LRRC1: variants seen among roughly 807,000 people sequenced by gnomAD.
LRRC1 encodes leucine-rich repeat-containing protein 1.
LRRC1 carries 28 observed loss-of-function variants against 69.9 expected under a neutral mutation model. The ratio of observed to expected loss-of-function variants is 0.40; its 90% CI spans 0.30 to 0.55. The LOEUF (loss-of-function observed/expected upper bound fraction) is 0.55. LRRC1 is among the 20% of genes least tolerant of loss of function. The pLI, the probability that LRRC1 is intolerant of heterozygous loss-of-function variation, is 0.47. For missense variants in LRRC1, 498 were observed against 609.0 expected, an observed-to-expected ratio of 0.82 and a Z score of 1.92; for synonymous variants, 236 against 240.2, an observed-to-expected ratio of 0.98 and a Z score of 0.16.
chr6:53,905,539 A>T (rs1768207379), intron 10 of LRRC1, among the ~76,000 whole-genome samples: 1 of 152,082 alleles, frequency 6.6e-6, no homozygotes, highest in East Asian at 1.9e-4. Context: ...TGATATGATC[A>T]CTGGCTGGGT....
At chr6:53,827,508 T>G (rs564804600) in intron 1 of LRRC1, among the ~76,000 whole-genome samples, 2 of 152,158 alleles carry the variant, frequency 1.3e-5, no homozygotes, top group East Asian at 3.8e-4. Context: ...CTTAATTTTT[T>G]CCAGGTAATT....
intron 8 of LRRC1, among the ~76,000 whole-genome samples, chr6:53,900,285 C>T (rs1204339905): frequency 6.6e-6 from 1 of 152,128 alleles, no homozygotes; most frequent in Non-Finnish European, 1.5e-5. Flanking sequence ...GATCCGCCCG[C>T]CTCCGCCTCC....
At chr6:53,806,812 A>C (rs1451127293) in intron 1 of LRRC1, among the ~76,000 whole-genome samples, 1 of 152,204 alleles carries the variant, frequency 6.6e-6, no homozygotes, top group Non-Finnish European at 1.5e-5. Flanking sequence ...AGAACCAATT[A>C]AGGAAAAAAG....
rs117745966 is a variant in LRRC1, at chr6:53,883,612, C to T, written c.446+636C>T. Reference sequence around the variant, plus strand: ...ATGTTCTGTTATACATTCCCACAGACGAACTAGTTGAATTATCTTTGCAGA... The same window carrying T: ...ATGTTCTGTTATACATTCCCACAGATGAACTAGTTGAATTATCTTTGCAGA... On this transcript the variant is annotated intron_variant, in intron 4 of 13. Coordinates refer to ENST00000370888, the MANE Select transcript of LRRC1 (RefSeq NM_018214.5). Among the ~76,000 whole-genome samples the T allele has an allele frequency of 2.1e-3, 324 of 152,278 alleles. 4 individuals carry two copies. In the East Asian group the frequency reaches 0.041, roughly 19 times the overall value.
intron 2 of LRRC1, among the ~76,000 whole-genome samples, chr6:53,871,456 G>T (rs1431176033): frequency 1.3e-5 from 2 of 152,040 alleles, no homozygotes; most frequent in African/African-American, 4.8e-5. Flanking sequence ...ATGTCATTCA[G>T]ATCAGATCTT....
intron 7 of LRRC1, among the ~76,000 whole-genome samples, chr6:53,898,305 C>T (rs751416559): frequency 3.9e-5 from 6 of 152,058 alleles, no homozygotes; most frequent in Admixed American, 6.5e-5. Context: ...GGGTAGAGTT[C>T]GATTCGTACT....
intron 2 of LRRC1, among the ~76,000 whole-genome samples, chr6:53,870,342 C>G (rs968186848): frequency 1.3e-5 from 2 of 152,150 alleles, no homozygotes; most frequent in Non-Finnish European, 2.9e-5. Flanking sequence ...CGTCTTTTCC[C>G]TGTGCTTCTT....
At chr6:53,841,161 C>T (rs191176908) in intron 1 of LRRC1, among the ~76,000 whole-genome samples, 102 of 152,274 alleles carry the variant, frequency 6.7e-4, no homozygotes, top group African/African-American at 2.3e-3. Context: ...TATGTTACCC[C>T]CTGCCCTCAG....
intron 2 of LRRC1, among the ~76,000 whole-genome samples, chr6:53,870,778 T>TC (rs1257028357): frequency 2.0e-5 from 3 of 152,194 alleles, no homozygotes; most frequent in East Asian, 1.9e-4. Flanking sequence ...TCAACTTTTT[T>TC]CCCATCCCCT....
Position 53,882,324 on chromosome 6 carries a change from G to C in LRRC1, c.357-563G>C, listed in dbSNP as rs533344158. Among the ~76,000 whole-genome samples, 45 of 152,286 alleles carry C rather than the reference G, an allele frequency of 3.0e-4. No homozygotes were observed. The South Asian group carries it at 8.5e-3, about 29-fold the overall frequency. On this transcript the variant is annotated intron_variant, in intron 3 of 13. Coordinates refer to ENST00000370888, the MANE Select transcript of LRRC1 (RefSeq NM_018214.5). Reference sequence around the variant, plus strand: ...GATTGCGCCACTGCCCTCCAGCCTGGGTGACAGAGTGAGACTCCATCTCAA... The same window carrying C: ...GATTGCGCCACTGCCCTCCAGCCTGCGTGACAGAGTGAGACTCCATCTCAA...
chr6:53,870,711 A>G (rs1300014785), intron 2 of LRRC1, among the ~76,000 whole-genome samples: 1 of 152,102 alleles, frequency 6.6e-6, no homozygotes, highest in Non-Finnish European at 1.5e-5. Flanking sequence ...TACCATGCAT[A>G]CTGTGGAATG....
At chr6:53,893,691 G>A (rs1767776149) in intron 4 of LRRC1, among the ~76,000 whole-genome samples, 5 of 152,132 alleles carry the variant, frequency 3.3e-5, no homozygotes, top group Admixed American at 1.3e-4. Context: ...TACTTAGCCT[G>A]TACTTTGTTA....
chr6:53,901,469 G>A (rs539024810), intron 8 of LRRC1, among the ~76,000 whole-genome samples: 2 of 152,072 alleles, frequency 1.3e-5, no homozygotes, highest in South Asian at 4.2e-4. Flanking sequence ...GAGTCCAGGA[G>A]TAGGAGTTTG....
intron 10 of LRRC1, among the ~76,000 whole-genome samples, chr6:53,913,368 C>A (rs576710119): frequency 1.1e-4 from 17 of 149,156 alleles, no homozygotes; most frequent in South Asian, 8.5e-4. Context: ...AAAAAAAAAA[C>A]CAAAAAACAA....
chr6:53,795,820 C>T (rs1038293550), intron 1 of LRRC1, among the ~76,000 whole-genome samples: 1 of 152,232 alleles, frequency 6.6e-6, no homozygotes. Flanking sequence ...GTCGTTCCCC[C>T]ACCAAGGGCC....
At chr6:53,854,991 G>A (rs906810143) in intron 2 of LRRC1, among the ~76,000 whole-genome samples, 3 of 128,824 alleles carry the variant, frequency 2.3e-5, no homozygotes, top group Non-Finnish European at 3.4e-5. Context: ...GTAGATAATC[G>A]ACAAGACAGG....
intron 2 of LRRC1, among the ~76,000 whole-genome samples, chr6:53,873,919 T>A (rs1232283132): frequency 6.6e-6 from 1 of 152,226 alleles, no homozygotes; most frequent in Non-Finnish European, 1.5e-5. Context: ...TAATGAGGCA[T>A]CTCTTTTCTC....
intron 11 of LRRC1, 143 bp downstream of exon 11, chr6:53,914,112 T>C (rs1768495839): frequency 1.7e-6 from 1 of 579,460 alleles, no homozygotes; most frequent in Admixed American, 2.9e-5. Flanking sequence ...CCTCAGGGAG[T>C]TCCTTCATAG....
At chr6:53,921,459 C>G (rs1041072253) in intron 13 of LRRC1, among the ~76,000 whole-genome samples, 1 of 152,190 alleles carries the variant, frequency 6.6e-6, no homozygotes, top group Admixed American at 6.5e-5. Flanking sequence ...TCTGTGCCTT[C>G]TTCATGTAAC....
Sources: gnomAD v4.1 joint callset for allele counts (sites outside exome capture counted in the v4.1 genomes callset) on GRCh38, gnomAD v4.1.1 for gene constraint, MANE v1.5 for transcripts, NCBI Gene and HGNC (gene_info 2026-07-23, HGNC 2026-07-21) for gene names.